The following MYOF variants were observed in gnomAD, a reference collection of about 807,000 sequenced individuals.
MYOF encodes myoferlin, also known as fer-1-like 3, myoferlin.
MYOF carries 244 observed loss-of-function variants against 284.2 expected under a neutral mutation model. The ratio of observed to expected loss-of-function variants is 0.86; its 90% confidence interval spans 0.77 to 0.95. The LOEUF (loss-of-function observed/expected upper bound fraction) is 0.95, where lower values mean the gene tolerates loss of function less well. Ranked by LOEUF, MYOF falls within the 40% of genes least tolerant of loss-of-function variation. MYOF has a pLI of 0.00. For synonymous variants in MYOF, 904 were observed against 919.7 expected (o/e 0.98, Z 0.31); for missense variants, 2,496 against 2,560.6 (o/e 0.97, Z 0.54).
chr10:93,308,923 G>T (rs1169937821), intron 53 of MYOF, among the ~76,000 whole-genome samples: 1 of 152,102 alleles, frequency 6.6e-6, no homozygotes, highest in East Asian at 1.9e-4. Context: ...TGTTGGCCAG[G>T]CTAGTCTTGA....
intron 1 of MYOF, among the ~76,000 whole-genome samples, chr10:93,469,902 T>G (rs1162215507): frequency 6.6e-6 from 1 of 152,134 alleles, no homozygotes; most frequent in African/African-American, 2.4e-5. Flanking sequence ...GAGGACTTCT[T>G]TCTTATTTTT....
intron 3 of MYOF, among the ~76,000 whole-genome samples, chr10:93,439,186 T>C (rs537241927): frequency 1.4e-5 from 2 of 147,060 alleles, no homozygotes; most frequent in Admixed American, 1.3e-4. Flanking sequence ...CACTGTTACC[T>C]TTGCAGGTAA....
In MYOF at chr10:93,343,988, A is replaced by C; in HGVS notation, c.4250-56T>G. On this transcript the variant is annotated intron_variant, in intron 37 of 53. Coordinates refer to ENST00000359263, the MANE Select transcript of MYOF (RefSeq NM_013451.4). ...TACTTAGAGAAATACAGTGGTGAAC[A>C]TTCTACTCCAAGTTCAAGTTTAACA... The C allele has an allele frequency of 1.9e-6, 3 of 1,590,798 alleles. No individual in the cohort carries two copies. In the East Asian group the frequency reaches 6.7e-5, roughly 36 times the overall value.
intron 1 of MYOF, among the ~76,000 whole-genome samples, chr10:93,471,081 C>T (rs1326003951): frequency 6.6e-6 from 1 of 151,954 alleles, no homozygotes; most frequent in Non-Finnish European, 1.5e-5. Flanking sequence ...AACTAACAAA[C>T]GGAGGTGAAA....
At position 93,467,322 on chromosome 10, in the gene MYOF, C is replaced by T. The variant is rs1487160357; in HGVS notation, c.89-10385G>A. 7.0e-5 allele frequency among the ~76,000 whole-genome samples: 9 copies of T among 128,660 alleles called. No individual in the cohort carries two copies. In the East Asian group the frequency reaches 1.6e-3, roughly 23 times the overall value. 84.4% of individuals were successfully genotyped at this position (128,660 alleles called of 152,430 possible). On this transcript the variant is annotated intron_variant, in intron 1 of 53. Coordinates refer to ENST00000359263, the MANE Select transcript of MYOF (RefSeq NM_013451.4). ...CTAATGCTATCCCTCCCCCCTCCCC[C>T]GACCCCACAACAGTCGCCAGAGTGT...
intron 46 of MYOF, among the ~76,000 whole-genome samples, chr10:93,325,383 G>T (rs1783913426): frequency 6.6e-6 from 1 of 152,168 alleles, no homozygotes; most frequent in South Asian, 2.1e-4. Flanking sequence ...CACTTTCCCA[G>T]ACCCTGCCCA....
At position 93,328,771 on chromosome 10, in the gene MYOF, T is replaced by C. The variant is rs867760876; in HGVS notation, c.5123A>G (p.Asp1708Gly). 5.0e-6 allele frequency: 8 copies of C among 1,609,942 alleles called. No homozygotes were observed. The highest frequency in any genetic ancestry group is 4.3e-6 in the Non-Finnish European group (5 of 1,176,420). The change falls in exon 45 of 54, where the codon GAT (aspartate) becomes GGT (glycine). Residue 1708 changes from aspartate to glycine, a missense_variant. Physicochemically the swap from Asp to Gly is moderately conservative, Grantham distance 94. Coordinates refer to ENST00000359263, the MANE Select transcript of MYOF (RefSeq NM_013451.4). ...IRYGGRDYSLDEFEANKILHQ... is the reference protein window; with the variant it reads ...IRYGGRDYSLGEFEANKILHQ... ...CACAGCTAGGTGCTCACCAAATTCA[T>C]CCAAGCTGTAGTCTCGTCCTCCATA...
rs11817065 is a variant in MYOF, at chr10:93,356,916, G to C, written c.3121-68C>G. On this transcript the variant is annotated intron_variant, in intron 29 of 53. Transcript: ENST00000359263. ...TGATATTCCTTATTTTGATAAAACA[G>C]GTTATATGATCAATCAACAGATACA... is the stretch of plus-strand genomic sequence containing the variant. 7.2e-3 allele frequency: 10,463 copies of C among 1,443,908 alleles called. 544 individuals are homozygous for C. The African/African-American group carries it at 0.12, about 16-fold the overall frequency. The allele number at this position is 1,443,908 out of a possible 1,614,324, so 89.4% of individuals were successfully genotyped here.
At chr10:93,380,893 G>A (rs1239231298) in intron 20 of MYOF, among the ~76,000 whole-genome samples, 1 of 152,206 alleles carries the variant, frequency 6.6e-6, no homozygotes, top group African/African-American at 2.4e-5. Flanking sequence ...TTGGGGCTTC[G>A]TAGGGGTAGG....
At position 93,356,769 on chromosome 10, in the gene MYOF, C is replaced by T. The variant is rs372632688; in HGVS notation, c.3200G>A (p.Ser1067Asn). 4.3e-6 allele frequency: 7 copies of T among 1,614,070 alleles called. No homozygotes were observed. In the African/African-American group the frequency reaches 5.3e-5, roughly 12 times the overall value. ...IGWKFHWKQR[S>N]SDTFRRRRWR... Reference sequence around the variant, plus strand: ...GCGTCTGCGGCGGAAGGTATCTGAACTACGTTGTTTCCAGTGAAATTTCCA... The same window carrying T: ...GCGTCTGCGGCGGAAGGTATCTGAATTACGTTGTTTCCAGTGAAATTTCCA... The change falls in exon 30 of 54, where the codon AGT becomes AAT. Residue 1067 changes from serine (S) to asparagine (N), a missense_variant. Ser to Asn is a conservative substitution (Grantham distance 46). Around this residue, in one of 3 missense-constraint regions of MYOF, gnomAD observed 2,436 missense variants for 2,480.7 expected, o/e 0.98. Transcript: ENST00000359263.
chr10:93,451,141 A>C (rs577141392), intron 3 of MYOF, among the ~76,000 whole-genome samples: 47 of 152,246 alleles, frequency 3.1e-4, no homozygotes, highest in African/African-American at 1.1e-3. Flanking sequence ...GGAGTTCAAG[A>C]CCAGCCTAGC....
intron 32 of MYOF, among the ~76,000 whole-genome samples, chr10:93,352,801 G>GT (rs59848150): frequency 0.047 from 7,170 of 152,204 alleles, 404 homozygotes; most frequent in African/African-American, 0.14. Context: ...TTGGAAAGAT[G>GT]TTTTTTTAAC....
At chr10:93,428,483 G>A (rs888615331) in intron 4 of MYOF, among the ~76,000 whole-genome samples, 1 of 151,450 alleles carries the variant, frequency 6.6e-6, no homozygotes, top group Non-Finnish European at 1.5e-5. Context: ...TGGGATTATA[G>A]GCGTGAGCCA....
intron 7 of MYOF, among the ~76,000 whole-genome samples, chr10:93,406,284 T>TC (rs1847569757): frequency 7.2e-5 from 2 of 27,662 alleles, no homozygotes; most frequent in Non-Finnish European, 1.1e-4. Context: ...TTAGTAAACC[T>TC]CTTTTATATA....
chr10:93,408,802 G>A lies in MYOF; in HGVS notation c.714C>T (p.Asn238=), dbSNP rs747164195. 6.2e-7 allele frequency: 1 copy of A among 1,614,160 alleles called. No homozygotes were observed. The highest frequency in any genetic ancestry group is 8.5e-7 in the Non-Finnish European group (1 of 1,180,026). ...ACCCCTTTACCTCATCAAAAAAAGG[G>A]TTGTTTCCTCTCTTGATTCTTGTTC... ...THRTRIKRGN[N]PFFDELFFYN... The change falls in exon 7 of 54, where the codon AAC becomes AAT. Residue 238 remains asparagine (N), a synonymous_variant. Transcript: ENST00000359263.
chr10:93,344,449 T>TG (rs1844077078), intron 37 of MYOF, among the ~76,000 whole-genome samples: 1 of 152,122 alleles, frequency 6.6e-6, no homozygotes, highest in South Asian at 2.1e-4. Context: ...CCACTCTGCA[T>TG]GCCTTTGTAT....
intron 3 of MYOF, 39 bp downstream of exon 3, chr10:93,452,011 T>C (rs1018536533): frequency 9.5e-6 from 13 of 1,364,496 alleles, no homozygotes; most frequent in Non-Finnish European, 1.3e-5. Context: ...AGTGAGATAG[T>C]AATACCTAAA....
intron 17 of MYOF, among the ~76,000 whole-genome samples, chr10:93,391,209 A>G (rs701856): frequency 5.3e-5 from 8 of 152,220 alleles, no homozygotes; most frequent in Admixed American, 3.3e-4. Flanking sequence ...CTTTTCTGGT[A>G]TGTTACCCCT....
chr10:93,336,971 G>A (rs1177251222), intron 40 of MYOF, among the ~76,000 whole-genome samples: 2 of 151,774 alleles, frequency 1.3e-5, no homozygotes, highest in Non-Finnish European at 2.9e-5. Flanking sequence ...CAGGCAGGAG[G>A]AAAAGAAGGC....
Sources: gnomAD v4.1 joint callset for allele counts (sites outside exome capture counted in the v4.1 genomes callset) on GRCh38, gnomAD v4.1.1 for gene constraint, gnomAD v4.1.1 regional missense constraint, MANE v1.5 for transcripts, NCBI Gene and HGNC (gene_info 2026-07-23, HGNC 2026-07-21) for gene names.